HDHD5: variants seen among roughly 807,000 people sequenced by gnomAD.
HDHD5 encodes the protein haloacid dehalogenase like hydrolase domain containing 5.
HDHD5 carries 34 observed loss-of-function variants against 35.5 expected under a neutral mutation model. That is an observed-to-expected ratio of 0.96 (90% CI 0.73 to 1.28). The LOEUF (loss-of-function observed/expected upper bound fraction) is 1.28, where lower values mean the gene tolerates loss of function less well. Among genes scored for constraint, HDHD5 ranks in the 50% most tolerant of loss-of-function variants. HDHD5 has a pLI of 0.00. For missense variants in HDHD5, 589 were observed against 560.2 expected (o/e 1.05, Z -0.52); for synonymous variants, 248 against 240.6 (o/e 1.03, Z -0.29).
intron 5 of HDHD5, 163 bp from the exon 6 acceptor site, chr22:17,141,396 T>A: frequency 7.2e-7 from 1 of 1,379,544 alleles, no homozygotes; most frequent in Non-Finnish European, 9.3e-7. Context: ...CCCTTACCCA[T>A]CCACCCTGGG....
At chr22:17,156,582 T>C (rs1333495015) in intron 1 of HDHD5, among the ~76,000 whole-genome samples, 1 of 151,958 alleles carries the variant, frequency 6.6e-6, no homozygotes, top group Non-Finnish European at 1.5e-5. Flanking sequence ...CGAGACCATC[T>C]TGGCTAACAC....
intron 4 of HDHD5, among the ~76,000 whole-genome samples, chr22:17,144,237 C>G (rs1471891815): frequency 1.3e-5 from 2 of 151,936 alleles, no homozygotes; most frequent in Non-Finnish European, 2.9e-5. Context: ...GGCATAAAGC[C>G]GTTCGCTTCT....
intron 1 of HDHD5, among the ~76,000 whole-genome samples, chr22:17,156,319 A>T (rs1039702362): frequency 2.0e-5 from 3 of 152,168 alleles, no homozygotes; most frequent in African/African-American, 7.2e-5. Flanking sequence ...TAAAAAAAAA[A>T]ATTTTTTTTA....
At chr22:17,152,761 G>A (rs1162130556) in intron 1 of HDHD5, among the ~76,000 whole-genome samples, 1 of 152,122 alleles carries the variant, frequency 6.6e-6, no homozygotes, top group African/African-American at 2.4e-5. Context: ...TGGGGTCCAG[G>A]AAGCTGAGGT....
Position 17,143,142 on chromosome 22 carries a change from A to T in HDHD5, c.538-11T>A. 6.2e-7 allele frequency: 1 copy of T among 1,608,204 alleles called. No homozygotes were observed. Among genetic ancestry groups the T allele is most frequent in the Non-Finnish European group, 8.5e-7 (1 of 1,177,696 alleles). On this transcript the variant is annotated splice_polypyrimidine_tract_variant and intron_variant, in intron 4 of 7. Coordinates refer to ENST00000336737, the MANE Select transcript of HDHD5 (RefSeq NM_033070.3). ...ATTCCTCGGGAGGGGCTGCAGAGAGACAAAGGAGAGGCTATCAACACAAGT... is the reference window on the plus strand; with the variant it reads ...ATTCCTCGGGAGGGGCTGCAGAGAGTCAAAGGAGAGGCTATCAACACAAGT...
Position 17,138,571 on chromosome 22 carries a change from A to G in HDHD5, c.914T>C (p.Ile305Thr). Residue 305 changes from isoleucine to threonine, a missense_variant, in exon 7 of 8, where the codon ATC (isoleucine) becomes ACC (threonine). Ile to Thr is a moderately conservative substitution (Grantham distance 89). Coordinates refer to ENST00000336737, the MANE Select transcript of HDHD5 (RefSeq NM_033070.3). ...CTACCCCACAGCATAGAGCTTCCGG[A>G]TGGGGGCGGCCCAGCCCCGCCTCTC... ...QAERRGWAAPIRKLYAVGDNP... is the reference protein window; with the variant it reads ...QAERRGWAAPTRKLYAVGDNP... The G allele has an allele frequency of 6.2e-7, 1 of 1,613,982 alleles. No individual in the cohort carries two copies. Among genetic ancestry groups the G allele is most frequent in the Non-Finnish European group, 8.5e-7 (1 of 1,179,950 alleles).
intron 1 of HDHD5, among the ~76,000 whole-genome samples, chr22:17,154,208 C>A (rs1347098791): frequency 6.6e-6 from 1 of 150,524 alleles, no homozygotes; most frequent in African/African-American, 2.4e-5. Flanking sequence ...CTTGGCTGGG[C>A]ACAGTAGCTC....
chr22:17,145,677 G>A (rs139923027), intron 3 of HDHD5, among the ~76,000 whole-genome samples: 2,943 of 152,008 alleles, frequency 0.019, 32 homozygotes, highest in Non-Finnish European at 0.028. Flanking sequence ...GGGCAACAGA[G>A]TGTGACCCTG....
At chr22:17,149,058 G>C (rs1279966902) in intron 2 of HDHD5, among the ~76,000 whole-genome samples, 3 of 152,188 alleles carry the variant, frequency 2.0e-5, no homozygotes, top group Non-Finnish European at 4.4e-5. Context: ...CATTTTACAT[G>C]CAACTTTGAG....
chr22:17,155,672 G>A (rs930079821), intron 1 of HDHD5, among the ~76,000 whole-genome samples: 15 of 152,108 alleles, frequency 9.9e-5, no homozygotes, highest in African/African-American at 3.6e-4. Context: ...CCAACCTTCA[G>A]GATGTACACA....
In HDHD5 at chr22:17,157,076, TCACACACATACA is replaced by T. The variant is rs2061802958; in HGVS notation, c.126+2038_126+2049del. Among the ~76,000 whole-genome samples the T allele has an allele frequency of 1.4e-4, 8 of 56,168 alleles. No individual in the cohort carries two copies. The South Asian group carries it at 4.8e-3, about 34-fold the overall frequency. 36.8% of individuals were successfully genotyped at this position (56,168 alleles called of 152,430 possible). On this transcript the variant is annotated intron_variant, in intron 1 of 7. Coordinates refer to ENST00000336737, the MANE Select transcript of HDHD5 (RefSeq NM_033070.3). ...CCGGGCAACAGAGCTAGACACCGTC[TCACACACATACA>T]CACACACACACACACACACACACAC...
intron 1 of HDHD5, among the ~76,000 whole-genome samples, chr22:17,154,579 A>T (rs1208577945): frequency 6.6e-6 from 1 of 151,648 alleles, no homozygotes; most frequent in African/African-American, 2.4e-5. Flanking sequence ...TAGGTATGAT[A>T]CTGGCATCGT....
intron 6 of HDHD5, among the ~76,000 whole-genome samples, 165 bp from the exon 7 acceptor site, chr22:17,138,903 AT>A (rs1260951758): frequency 1.3e-5 from 2 of 152,124 alleles, no homozygotes; most frequent in Non-Finnish European, 2.9e-5. Context: ...AGCATTTCAC[AT>A]TTCCCTCTCA....
At chr22:17,156,074 C>A (rs1010582534) in intron 1 of HDHD5, among the ~76,000 whole-genome samples, 11 of 152,132 alleles carry the variant, frequency 7.2e-5, no homozygotes, top group African/African-American at 2.4e-4. Context: ...AAGCAAACCA[C>A]AATGGACATA....
At chr22:17,151,750 A>G (rs5748912) in intron 1 of HDHD5, among the ~76,000 whole-genome samples, 26,307 of 135,856 alleles carry the variant, frequency 0.19, 3,164 homozygotes, top group East Asian at 0.48. Flanking sequence ...AAAAAAAAAA[A>G]AAGAAGAAGA....
At chr22:17,149,430 T>C (rs2061700746) in intron 2 of HDHD5, 112 bp downstream of exon 2, 2 of 968,138 alleles carry the variant, frequency 2.1e-6, no homozygotes, top group Non-Finnish European at 3.1e-6. Context: ...GGCCATGACC[T>C]AGGACTAGGT....
Position 17,137,798 on chromosome 22 carries a change from A to T in HDHD5, c.*223T>A. On this transcript the variant is annotated 3_prime_UTR_variant, in exon 8 of 8. Coordinates refer to ENST00000336737, the MANE Select transcript of HDHD5 (RefSeq NM_033070.3). ...AGACTGCCACGAAAGGCACGTGGGA[A>T]CTGGGCCCAGAAAATTCCAACCGTT... The T allele has an allele frequency of 1.6e-5, 8 of 498,126 alleles. No individual in the cohort carries two copies. The highest frequency in any genetic ancestry group is 2.5e-5 in the Non-Finnish European group (7 of 275,030). The allele number at this position is 498,126 out of a possible 1,614,324, so 30.9% of individuals were successfully genotyped here. A position where few individuals can be genotyped will look rare whatever the true frequency, so the allele number is the denominator to read the frequency against.
At position 17,149,772 on chromosome 22, in the gene HDHD5, G is replaced by A. The variant is rs367781717; in HGVS notation, c.127-27C>T. The A allele has an allele frequency of 1.9e-6, 3 of 1,583,328 alleles. No homozygotes were observed. In the African/African-American group the frequency reaches 4.0e-5, roughly 21 times the overall value. On this transcript the variant is annotated intron_variant, in intron 1 of 7. Transcript: ENST00000336737. ...TGCAGAGATGGTAAGATAATTACCA[G>A]TACGTGAGTAACAAAGAAACAACCC...
intron 3 of HDHD5, 66 bp downstream of exon 3, chr22:17,148,382 A>T: frequency 7.6e-7 from 1 of 1,308,796 alleles, no homozygotes; most frequent in African/African-American, 1.4e-5. Flanking sequence ...GTCCCCACTC[A>T]GCTAAGGGAG....
Sources: allele counts gnomAD v4.1 joint callset (sites outside exome capture counted in the v4.1 genomes callset), GRCh38; gene constraint gnomAD v4.1.1; transcripts MANE v1.5; gene names NCBI Gene and HGNC (gene_info 2026-07-23, HGNC 2026-07-21).